Variants in MN1 observed in about 807,000 individuals in gnomAD.
MN1 encodes MN1 proto-oncogene, transcriptional regulator.
Under a neutral mutation model 86.9 loss-of-function variants are expected in MN1, and 19 were observed. The ratio of observed to expected loss-of-function variants is 0.22; its 90% CI spans 0.15 to 0.32. MN1 has a LOEUF of 0.32. Ranked by LOEUF, MN1 falls within the 10% of genes least tolerant of loss-of-function variation. The pLI is 1.00. For missense variants in MN1, 1,841 were observed against 1,862.0 expected (o/e 0.99, Z 0.21); for synonymous variants, 928 against 849.6 (o/e 1.09, Z -1.60).
At chr22:27,773,446 C>T (rs1452310450) in intron 1 of MN1, among the ~76,000 whole-genome samples, 5 of 152,244 alleles carry the variant, frequency 3.3e-5, no homozygotes, top group African/African-American at 1.2e-4. Flanking sequence ...CCTTTCAAGG[C>T]TCAGCTGGGC....
intron 1 of MN1, among the ~76,000 whole-genome samples, chr22:27,771,854 G>T (rs1328430665): frequency 6.6e-6 from 1 of 152,208 alleles, no homozygotes; most frequent in Non-Finnish European, 1.5e-5. Flanking sequence ...GAGAAAGGAG[G>T]TAATTTGCCC....
intron 1 of MN1, among the ~76,000 whole-genome samples, chr22:27,769,663 C>T (rs183007586): frequency 5.4e-5 from 8 of 147,054 alleles, no homozygotes; most frequent in East Asian, 4.1e-4. Context: ...CACCATTCTC[C>T]TTGCCTCAGC....
At chr22:27,763,211 T>TA (rs1434972407) in intron 1 of MN1, among the ~76,000 whole-genome samples, 4 of 152,214 alleles carry the variant, frequency 2.6e-5, no homozygotes, top group Non-Finnish European at 5.9e-5. Context: ...GTCTGGATTT[T>TA]AAAAAAACAC....
rs1187540241 is a variant in MN1 at position 27,801,319 on chromosome 22, C to A, written c.-776G>T. On this transcript the variant is annotated 5_prime_UTR_variant, in exon 1 of 2. Transcript: ENST00000302326. ...CGGGGAAAGGCGCGGCTCCTCTGCT[C>A]GGCAGCGGGTGCGCTGCGTTCGGCG... 3 of 219,550 alleles carry A rather than the reference C, an allele frequency of 1.4e-5. No individual in the cohort carries two copies. In the East Asian group the frequency reaches 1.9e-4, roughly 14 times the overall value. 13.6% of individuals were successfully genotyped at this position (219,550 alleles called of 1,614,324 possible).
intron 1 of MN1, among the ~76,000 whole-genome samples, chr22:27,789,139 T>C (rs987679643): frequency 6.6e-6 from 1 of 152,324 alleles, no homozygotes; most frequent in Non-Finnish European, 1.5e-5. Context: ...TCCAAAGACA[T>C]GACCATGGCC....
At position 27,801,666 on chromosome 22, in the gene MN1, A is replaced by C. The variant is rs1177183146; in HGVS notation, c.-1123T>G. 6.6e-6 allele frequency among the ~76,000 whole-genome samples: 1 copy of C among 151,492 alleles called. No homozygotes were observed. ...GGGGGGTCTGCGCACCCCTCTCCCG[A>C]CTAGCGGGGGGGCTCTGCGTGGGGC... On this transcript the variant is annotated 5_prime_UTR_variant, in exon 1 of 2. Coordinates refer to ENST00000302326, the MANE Select transcript of MN1 (RefSeq NM_002430.3).
At chr22:27,757,343 C>G (rs949493357) in intron 1 of MN1, among the ~76,000 whole-genome samples, 19 of 152,344 alleles carry the variant, frequency 1.2e-4, no homozygotes, top group Non-Finnish European at 4.4e-5. Context: ...CGCACTCTTA[C>G]TGTTCGTGGC....
chr22:27,801,464 G>A lies in MN1; in HGVS notation c.-921C>T, dbSNP rs1360551908. 2.0e-5 allele frequency: 4 copies of A among 201,672 alleles called. No individual in the cohort carries two copies. Among genetic ancestry groups the A allele is most frequent in the Non-Finnish European group, 4.1e-5 (4 of 97,742 alleles). 12.5% of individuals were successfully genotyped at this position (201,672 alleles called of 1,614,324 possible). A position where few individuals can be genotyped will look rare whatever the true frequency, so the allele number is the denominator to read the frequency against. ...GGGAGGGCAGCGAGACGAGGGGTTG[G>A]GTCGCTCCAAGGCTCCGGTTCCCTG... On this transcript the variant is annotated 5_prime_UTR_variant, in exon 1 of 2. Transcript: ENST00000302326.
chr22:27,763,797 T>G (rs952937630), intron 1 of MN1, among the ~76,000 whole-genome samples: 4 of 152,134 alleles, frequency 2.6e-5, no homozygotes, highest in Non-Finnish European at 5.9e-5. Flanking sequence ...ATGGGAGAGA[T>G]ATTCCGGTAA....
intron 1 of MN1, among the ~76,000 whole-genome samples, chr22:27,786,157 T>G (rs1420892172): frequency 1.3e-5 from 2 of 152,226 alleles, no homozygotes; most frequent in East Asian, 1.9e-4. Context: ...TTTTGATGGT[T>G]GTTTTTTGAG....
Position 27,799,232 on chromosome 22 carries a change from G to T in MN1, c.1312C>A (p.Pro438Thr). 2.5e-6 allele frequency: 4 copies of T among 1,595,690 alleles called. No individual in the cohort carries two copies. The South Asian group carries it at 4.5e-5, about 18-fold the overall frequency. Residue 438 changes from proline (P) to threonine (T), a missense_variant, in exon 1 of 2, where the codon CCC becomes ACC. Physicochemically the swap from Pro to Thr is conservative, Grantham distance 38. Transcript: ENST00000302326. ...SMQHPPPQQA[P>T]NQRLQHFDAP... Reference sequence around the variant, plus strand: ...TCGAAATGCTGCAGCCGCTGGTTGGGCGCCTGCTGCGGAGGAGGATGCTGC... The same window carrying T: ...TCGAAATGCTGCAGCCGCTGGTTGGTCGCCTGCTGCGGAGGAGGATGCTGC...
At chr22:27,794,690 G>A (rs748564018) in intron 1 of MN1, among the ~76,000 whole-genome samples, 5 of 152,180 alleles carry the variant, frequency 3.3e-5, no homozygotes, top group Admixed American at 6.5e-5. Flanking sequence ...GATGGGGAGA[G>A]ACAACTTCTA....
intron 1 of MN1, among the ~76,000 whole-genome samples, chr22:27,753,750 A>G (rs1419065507): frequency 1.3e-5 from 2 of 152,236 alleles, no homozygotes; most frequent in Non-Finnish European, 2.9e-5. Flanking sequence ...CATCAGATGC[A>G]GGGTTTCTAG....
intron 1 of MN1, among the ~76,000 whole-genome samples, chr22:27,753,565 A>G (rs1252822331): frequency 6.6e-6 from 1 of 152,222 alleles, no homozygotes; most frequent in Non-Finnish European, 1.5e-5. Context: ...CCTGGGGCCC[A>G]GCTAGGTGGG....
chr22:27,793,798 G>T (rs1291786793), intron 1 of MN1, among the ~76,000 whole-genome samples: 1 of 152,210 alleles, frequency 6.6e-6, no homozygotes, highest in Non-Finnish European at 1.5e-5. Flanking sequence ...TGCACGCCTT[G>T]TACAGTTCTG....
chr22:27,774,896 T>C (rs1932957539), intron 1 of MN1, among the ~76,000 whole-genome samples: 2 of 152,098 alleles, frequency 1.3e-5, no homozygotes, highest in Non-Finnish European at 2.9e-5. Context: ...AGGCCAGCTA[T>C]ACCCCCTCCT....
intron 1 of MN1, among the ~76,000 whole-genome samples, chr22:27,786,912 T>G (rs2146309921): frequency 6.6e-6 from 1 of 152,234 alleles, no homozygotes; most frequent in South Asian, 2.1e-4. Flanking sequence ...ACAAAATAAA[T>G]GCTTATTAAC....
intron 1 of MN1, among the ~76,000 whole-genome samples, chr22:27,774,864 C>T (rs945370345): frequency 3.3e-5 from 5 of 152,146 alleles, no homozygotes; most frequent in East Asian, 1.9e-4. Context: ...AGACTAGACC[C>T]CCTGTCACCC....
intron 1 of MN1, among the ~76,000 whole-genome samples, chr22:27,753,668 T>TGGTGAAATCTGGATGTTGTTAATACCCC: frequency 6.6e-6 from 1 of 152,148 alleles, no homozygotes; most frequent in South Asian, 2.1e-4. Flanking sequence ...TAGTTAGTAG[T>TGGTGAAATCTGGATGTTGTTAATACCCC]GGTGAAATCT....
Sources: allele counts gnomAD v4.1 joint callset (sites outside exome capture counted in the v4.1 genomes callset), GRCh38; gene constraint gnomAD v4.1.1; transcripts MANE v1.5; gene names NCBI Gene and HGNC (gene_info 2026-07-23, HGNC 2026-07-21).